The following KCNMA1 variants were observed in gnomAD, a reference collection of about 807,000 sequenced individuals.
The protein encoded by KCNMA1 is potassium calcium-activated channel subfamily M alpha 1.
A neutral mutation model predicts 140.0 loss-of-function variants in KCNMA1; 29 were observed. The ratio of observed to expected loss-of-function variants is 0.21; its 90% CI spans 0.15 to 0.28. KCNMA1 has a LOEUF of 0.28. KCNMA1 is among the 10% of genes least tolerant of loss of function. The pLI is 1.00. For synonymous variants in KCNMA1, 612 were observed against 611.9 expected (o/e 1.00, Z 0.00); for missense variants, 880 against 1,602.2 (o/e 0.55, Z 7.70).
intron 1 of KCNMA1, among the ~76,000 whole-genome samples, chr10:77,608,865 T>C (rs917684401): frequency 6.6e-6 from 1 of 152,134 alleles, no homozygotes; most frequent in Non-Finnish European, 1.5e-5. Flanking sequence ...TCATCAGGGC[T>C]ACACAATCAA....
chr10:76,913,553 G>A (rs2099330), intron 24 of KCNMA1: 134,522 of 148,116 alleles, frequency 0.91, 60,996 homozygotes, highest in Non-Finnish European at 0.97. Flanking sequence ...TAGTAGGGGG[G>A]AAAAAAAAAA....
intron 1 of KCNMA1, among the ~76,000 whole-genome samples, chr10:77,605,619 G>A (rs747264558): frequency 3.3e-5 from 5 of 152,180 alleles, no homozygotes; most frequent in Non-Finnish European, 7.3e-5. Flanking sequence ...AGTCGTCAGG[G>A]GTGTTTCAGA....
chr10:77,142,453 T>C (rs534836252), intron 5 of KCNMA1, among the ~76,000 whole-genome samples: 5 of 152,186 alleles, frequency 3.3e-5, no homozygotes, highest in Admixed American at 1.3e-4. Context: ...AGTATGTGTA[T>C]GTGTATGTTA....
chr10:77,469,842 A>T (rs1474811146), intron 1 of KCNMA1, among the ~76,000 whole-genome samples: 1 of 152,202 alleles, frequency 6.6e-6, no homozygotes, highest in Non-Finnish European at 1.5e-5. Flanking sequence ...AAAAGATAGC[A>T]ATTCACAATG....
rs1235291751 is a variant in KCNMA1 at position 77,442,973 on chromosome 10, C to T, written c.379-38950G>A. 2.6e-5 allele frequency among the ~76,000 whole-genome samples: 4 copies of T among 152,332 alleles called. No individual in the cohort carries two copies. In the East Asian group the frequency reaches 7.7e-4, roughly 29 times the overall value. On this transcript the variant is annotated intron_variant, in intron 1 of 27. Coordinates refer to ENST00000286628, the MANE Select transcript of KCNMA1 (RefSeq NM_001161352.2). ...AGGGTCCCTCACTCCGCATAGGTGGCCAAGGTGTGGGGGAGAGCCCTCCTT... is the reference window on the plus strand; with the variant it reads ...AGGGTCCCTCACTCCGCATAGGTGGTCAAGGTGTGGGGGAGAGCCCTCCTT...
At chr10:77,295,780 T>C (rs1299671357) in intron 2 of KCNMA1, among the ~76,000 whole-genome samples, 2 of 59,498 alleles carry the variant, frequency 3.4e-5, no homozygotes, top group Non-Finnish European at 2.7e-5. Context: ...AGAGCGAGAC[T>C]CCGTCTCAAA....
intron 25 of KCNMA1, among the ~76,000 whole-genome samples, chr10:76,907,692 C>T (rs181522142): frequency 5.3e-5 from 8 of 152,150 alleles, no homozygotes; most frequent in Admixed American, 1.3e-4. Flanking sequence ...GTGCACACCA[C>T]CACACCCAGC....
chr10:77,094,433 T>C (rs964238315), intron 9 of KCNMA1, among the ~76,000 whole-genome samples: 2 of 152,112 alleles, frequency 1.3e-5, no homozygotes, highest in Non-Finnish European at 2.9e-5. Context: ...CCTGGATACA[T>C]GGTGGAGGGG....
chr10:77,295,643 C>T (rs1403078534), intron 2 of KCNMA1, among the ~76,000 whole-genome samples: 7 of 149,212 alleles, frequency 4.7e-5, no homozygotes, highest in African/African-American at 1.5e-4. Context: ...TAGCCGGGCG[C>T]GGTGGCGGGC....
rs368009446 is a variant in KCNMA1, at chr10:77,357,750, TA to T, written c.540+46111del. 1.8e-4 allele frequency among the ~76,000 whole-genome samples: 28 copies of T among 152,334 alleles called. No individual in the cohort carries two copies. The East Asian group carries it at 4.6e-3, about 25-fold the overall frequency. On this transcript the variant is annotated intron_variant, in intron 2 of 27. Transcript: ENST00000286628. ...TATAGATTCCAGAAACTTTCACTGT[TA>T]TGAAGATGGCTCTCAGTTTTCCTGC... is the stretch of plus-strand genomic sequence containing the variant.
At chr10:77,256,637 T>C (rs1160834457) in intron 2 of KCNMA1, among the ~76,000 whole-genome samples, 4 of 152,116 alleles carry the variant, frequency 2.6e-5, no homozygotes, top group African/African-American at 9.7e-5. Flanking sequence ...ATGAATTAAT[T>C]CTCTCCTGAG....
At chr10:76,998,839 G>C (rs2085236962) in intron 19 of KCNMA1, among the ~76,000 whole-genome samples, 1 of 152,204 alleles carries the variant, frequency 6.6e-6, no homozygotes, top group Non-Finnish European at 1.5e-5. Flanking sequence ...GAGAAGAAGG[G>C]CTTATGCAGG....
At chr10:77,201,096 AG>A (rs1323476544) in intron 3 of KCNMA1, among the ~76,000 whole-genome samples, 2 of 152,100 alleles carry the variant, frequency 1.3e-5, no homozygotes, top group African/African-American at 4.8e-5. Flanking sequence ...TGCAGGGGGT[AG>A]GGGGTGAGGC....
chr10:77,195,785 C>A (rs1028909256), intron 3 of KCNMA1, among the ~76,000 whole-genome samples: 1 of 151,912 alleles, frequency 6.6e-6, no homozygotes, highest in African/African-American at 2.4e-5. Flanking sequence ...CCCACCTCCA[C>A]TGAAAATACA....
At chr10:77,010,213 T>G (rs1000307486) in intron 18 of KCNMA1, among the ~76,000 whole-genome samples, 4 of 152,126 alleles carry the variant, frequency 2.6e-5, no homozygotes, top group Admixed American at 1.3e-4. Flanking sequence ...TTGTATTTGT[T>G]GTTCTCTCTT....
At chr10:77,371,511 G>T (rs1291311048) in intron 2 of KCNMA1, among the ~76,000 whole-genome samples, 1 of 152,156 alleles carries the variant, frequency 6.6e-6, no homozygotes, top group Non-Finnish European at 1.5e-5. Context: ...AAAATCTGGA[G>T]ATTTCACAAC....
At chr10:76,906,395 G>A (rs149247866) in intron 25 of KCNMA1, among the ~76,000 whole-genome samples, 3 of 152,276 alleles carry the variant, frequency 2.0e-5, no homozygotes, top group African/African-American at 7.2e-5. Context: ...CTCATCCTGT[G>A]TTTCTGCTGT....
intron 1 of KCNMA1, among the ~76,000 whole-genome samples, chr10:77,472,452 TCACA>T (rs55793293): frequency 0.13 from 19,700 of 149,150 alleles, 1,305 homozygotes; most frequent in Admixed American, 0.18. Flanking sequence ...CACACACACA[TCACA>T]CACACACAGA....
chr10:77,039,251 G>C (rs986243878), intron 15 of KCNMA1: 11 of 522,686 alleles, frequency 2.1e-5, no homozygotes, highest in Non-Finnish European at 3.5e-5. Context: ...ATCACAGAAG[G>C]CATGCAGGAT....
Sources: gnomAD v4.1 joint callset for allele counts (sites outside exome capture counted in the v4.1 genomes callset) on GRCh38, gnomAD v4.1.1 for gene constraint, MANE v1.5 for transcripts, NCBI Gene and HGNC (gene_info 2026-07-23, HGNC 2026-07-21) for gene names.